DLGAP2: variants seen among roughly 807,000 people sequenced by gnomAD.
The protein encoded by DLGAP2 is DLG associated protein 2, also known as disks large-associated protein 2.
Under a neutral mutation model 100.3 loss-of-function variants are expected in DLGAP2, and 26 were observed. The ratio of observed to expected loss-of-function variants is 0.26; its 90% CI spans 0.19 to 0.36. The LOEUF is 0.36. Ranked by LOEUF, DLGAP2 falls within the 10% of genes least tolerant of loss-of-function variation. DLGAP2 has a pLI of 1.00. For missense variants in DLGAP2, 1,858 were observed against 1,453.2 expected (o/e 1.28, Z -4.53); for synonymous variants, 886 against 630.1 (o/e 1.41, Z -6.08).
intron 6 of DLGAP2, among the ~76,000 whole-genome samples, chr8:1,572,042 CTG>C (rs1802728105): frequency 8.1e-6 from 1 of 123,972 alleles, no homozygotes; most frequent in Non-Finnish European, 1.6e-5. Flanking sequence ...AGAGGGTGAA[CTG>C]TGGGGATGTC....
At chr8:1,532,740 G>C (rs1260351418) in intron 4 of DLGAP2, among the ~76,000 whole-genome samples, 1 of 152,144 alleles carries the variant, frequency 6.6e-6, no homozygotes, top group Non-Finnish European at 1.5e-5. Context: ...GGAAAGATCG[G>C]GTTTGTGAAA....
intron 1 of DLGAP2, among the ~76,000 whole-genome samples, chr8:902,537 G>A (rs1314139706): frequency 1.5e-5 from 2 of 136,906 alleles, no homozygotes; most frequent in East Asian, 2.2e-4. Flanking sequence ...AGCCCCGGCG[G>A]CCTTGGGGAG....
At position 1,668,640 on chromosome 8, in the gene DLGAP2, G is replaced by A; in HGVS notation, c.2122G>A (p.Glu708Lys). ...DKAILVSKAEELLKSRCSSIG... is the reference protein window; with the variant it reads ...DKAILVSKAEKLLKSRCSSIG... The stretch of plus-strand genomic sequence containing the variant: ...GGCCATCCTGGTGTCCAAGGCGGAG[G>A]AGCTCCTCAAGAGCCGCTGCTCCTC... The change falls in exon 9 of 15, where the codon GAG becomes AAG. Residue 708 changes from glutamate to lysine, a missense_variant. Glu to Lys is a moderately conservative substitution (Grantham distance 56). Coordinates refer to ENST00000637795, the MANE Select transcript of DLGAP2 (RefSeq NM_001346810.2). The A allele has an allele frequency of 6.3e-7, 1 of 1,590,272 alleles. No homozygotes were observed. The highest frequency in any genetic ancestry group is 8.6e-7 in the Non-Finnish European group (1 of 1,168,724).
In DLGAP2 at chr8:1,502,421, G is replaced by C. The variant is rs181326976; in HGVS notation, c.172+990G>C. On this transcript the variant is annotated intron_variant, in intron 4 of 14. Coordinates refer to ENST00000637795, the MANE Select transcript of DLGAP2 (RefSeq NM_001346810.2). ...GTATAAAGCTGTGATTTTTGTTAAA[G>C]AAAACTACAGCCAAAAAGTGTTTGC... 2.9e-3 allele frequency among the ~76,000 whole-genome samples: 449 copies of C among 152,260 alleles called. 5 individuals are homozygous for C. In the South Asian group the frequency reaches 0.036, roughly 12 times the overall value.
chr8:1,428,402 ATC>A (rs748065584), intron 3 of DLGAP2, among the ~76,000 whole-genome samples: 29 of 152,288 alleles, frequency 1.9e-4, no homozygotes, highest in South Asian at 6.2e-4. Context: ...AAATAACTAG[ATC>A]TCTCTTTCCT....
intron 3 of DLGAP2, among the ~76,000 whole-genome samples, chr8:1,457,880 G>A (rs373254639): frequency 2.0e-5 from 3 of 150,400 alleles, no homozygotes; most frequent in Admixed American, 1.3e-4. Context: ...ATTTTCAAGG[G>A]CATGCACATT....
chr8:1,202,493 G>A lies in DLGAP2; in HGVS notation c.74-56358G>A, dbSNP rs189582085. 1.2e-4 allele frequency among the ~76,000 whole-genome samples: 18 copies of A among 152,264 alleles called. No individual in the cohort carries two copies. In the East Asian group the frequency reaches 2.9e-3, roughly 24 times the overall value. On this transcript the variant is annotated intron_variant, in intron 2 of 14. Coordinates refer to ENST00000637795, the MANE Select transcript of DLGAP2 (RefSeq NM_001346810.2). ...ATCATTACCCTTTCTGTAGGAAGAA[G>A]GAGATGTCAGACATACAAAAACATG...
At chr8:1,601,510 T>C (rs1163397228) in intron 6 of DLGAP2, among the ~76,000 whole-genome samples, 1 of 152,180 alleles carries the variant, frequency 6.6e-6, no homozygotes, top group Non-Finnish European at 1.5e-5. Context: ...CCCAGAGAGA[T>C]GGGAGTTTTA....
chr8:1,135,931 G>A (rs536422679), intron 2 of DLGAP2, among the ~76,000 whole-genome samples: 1 of 152,326 alleles, frequency 6.6e-6, no homozygotes, highest in Non-Finnish European at 1.5e-5. Context: ...TAAGAAACGA[G>A]ATTTAAACTG....
chr8:1,161,782 C>T (rs1049030325), intron 2 of DLGAP2, among the ~76,000 whole-genome samples: 3 of 152,142 alleles, frequency 2.0e-5, no homozygotes, highest in Non-Finnish European at 2.9e-5. Context: ...GGTGCACCCA[C>T]GGGGCTCCTG....
At chr8:1,418,393 T>C (rs1398003939) in intron 3 of DLGAP2, among the ~76,000 whole-genome samples, 2 of 152,214 alleles carry the variant, frequency 1.3e-5, no homozygotes, top group East Asian at 3.8e-4. Flanking sequence ...TATAGCTAAT[T>C]AATGGATTTG....
chr8:858,851 A>G (rs1797335857), intron 1 of DLGAP2, among the ~76,000 whole-genome samples: 1 of 152,246 alleles, frequency 6.6e-6, no homozygotes, highest in South Asian at 2.1e-4. Context: ...AGAATGGACA[A>G]CACCAAGAGT....
chr8:1,408,032 A>G (rs1048409829), intron 3 of DLGAP2, among the ~76,000 whole-genome samples: 1 of 152,250 alleles, frequency 6.6e-6, no homozygotes, highest in Admixed American at 6.5e-5. Flanking sequence ...GATGCCAGTC[A>G]GGACAACCAA....
At chr8:862,197 G>T (rs971599492) in intron 1 of DLGAP2, among the ~76,000 whole-genome samples, 6 of 152,100 alleles carry the variant, frequency 3.9e-5, no homozygotes, top group Admixed American at 6.6e-5. Flanking sequence ...AATAATCCAC[G>T]GGCTGAGTCG....
At chr8:1,621,428 G>T (rs1300218306) in intron 6 of DLGAP2, 1 of 152,564 alleles carries the variant, frequency 6.6e-6, no homozygotes, top group East Asian at 1.9e-4. Context: ...CAGGGCAGAG[G>T]AGAGCCAGAA....
intron 3 of DLGAP2, among the ~76,000 whole-genome samples, chr8:1,481,821 A>T (rs1214839641): frequency 2.0e-5 from 3 of 152,288 alleles, no homozygotes; most frequent in South Asian, 2.1e-4. Flanking sequence ...AGGGGAATTT[A>T]AAAAATCTCT....
intron 2 of DLGAP2, among the ~76,000 whole-genome samples, chr8:1,208,464 G>C (rs1217242771): frequency 6.6e-6 from 1 of 152,196 alleles, no homozygotes; most frequent in African/African-American, 2.4e-5. Flanking sequence ...AATTGGCATA[G>C]AAGGGACATA....
At chr8:1,332,933 A>T (rs1001648794) in intron 3 of DLGAP2, among the ~76,000 whole-genome samples, 5 of 152,074 alleles carry the variant, frequency 3.3e-5, no homozygotes, top group African/African-American at 1.2e-4. Flanking sequence ...TTCCTCAGAG[A>T]GCCCCCAGCA....
At chr8:1,056,365 C>G (rs1447673426) in intron 2 of DLGAP2, among the ~76,000 whole-genome samples, 3 of 152,176 alleles carry the variant, frequency 2.0e-5, no homozygotes, top group Non-Finnish European at 4.4e-5. Context: ...TCTGTGTGTC[C>G]TCTGTCCTGG....
Sources: allele counts gnomAD v4.1 joint callset (sites outside exome capture counted in the v4.1 genomes callset), GRCh38; gene constraint gnomAD v4.1.1; transcripts MANE v1.5; gene names NCBI Gene and HGNC (gene_info 2026-07-23, HGNC 2026-07-21).